The following RNF43 variants were observed in gnomAD, a reference collection of about 807,000 sequenced individuals.
RNF43 encodes ring finger protein 43.
RNF43 carries 37 observed loss-of-function variants against 78.4 expected under a neutral mutation model. The observed-to-expected ratio is 0.47, with a 90% CI of 0.36 to 0.62. The LOEUF is 0.62. Ranked by LOEUF, RNF43 falls within the 20% of genes least tolerant of loss-of-function variation. RNF43 has a pLI of 0.00. For synonymous variants in RNF43, 347 were observed against 395.0 expected (o/e 0.88, Z 1.44); for missense variants, 774 against 1,007.9 (o/e 0.77, Z 3.14).
chr17:58,407,521 AAC>A (rs1973938662), intron 2 of RNF43, among the ~76,000 whole-genome samples: 1 of 152,248 alleles, frequency 6.6e-6, no homozygotes, highest in South Asian at 2.1e-4. Context: ...TTGTAAATTA[AAC>A]ACAGATTCCA....
At chr17:58,377,203 C>T (rs996943095) in intron 2 of RNF43, among the ~76,000 whole-genome samples, 2 of 152,154 alleles carry the variant, frequency 1.3e-5, no homozygotes, top group Non-Finnish European at 2.9e-5. Context: ...TTTGTGTAGA[C>T]AGGAGATAAT....
intron 2 of RNF43, 99 bp from the exon 3 acceptor site, chr17:58,371,132 A>T (rs945723464): frequency 7.9e-7 from 1 of 1,262,234 alleles, no homozygotes; most frequent in African/African-American, 1.5e-5. Flanking sequence ...GGTACCAGGC[A>T]GGTCTCTTGG....
At chr17:58,387,283 T>C (rs1973458541) in intron 2 of RNF43, among the ~76,000 whole-genome samples, 1 of 152,142 alleles carries the variant, frequency 6.6e-6, no homozygotes, top group African/African-American at 2.4e-5. Context: ...TTGGGCAGCT[T>C]GTGTGAGCCA....
Position 58,360,181 on chromosome 17 carries a change from C to T in RNF43, c.920G>A (p.Arg307Gln), listed in dbSNP as rs373809449. The T allele has an allele frequency of 2.9e-5, 46 of 1,613,770 alleles. No individual in the cohort carries two copies. Among genetic ancestry groups the T allele is most frequent in the African/African-American group, 5.3e-5 (4 of 74,838 alleles). ...NCVDPWLHQH[R>Q]TCPLCMFNIT... ...GTTGAACATGCAGAGGGGGCAAGTCCGATGCTGATGTAACCAGGGGTCCAC... is the reference window on the plus strand; with the variant it reads ...GTTGAACATGCAGAGGGGGCAAGTCTGATGCTGATGTAACCAGGGGTCCAC... Residue 307 changes from arginine to glutamine, a missense_variant, in exon 8 of 10, where the codon CGG becomes CAG. Transcript: ENST00000407977. The surrounding 1 kb of genome is among the most constrained non-coding windows in gnomAD (Gnocchi z 4.3).
intron 6 of RNF43, among the ~76,000 whole-genome samples, 174 bp downstream of exon 6, chr17:58,362,370 G>C (rs1008876200): frequency 4.6e-5 from 7 of 152,178 alleles, no homozygotes; most frequent in Non-Finnish European, 7.3e-5. Context: ...TTGAATGGAT[G>C]AGTAATATGA....
chr17:58,397,386 C>T (rs1025481215), intron 2 of RNF43, among the ~76,000 whole-genome samples: 1 of 152,138 alleles, frequency 6.6e-6, no homozygotes, highest in South Asian at 2.1e-4. Context: ...TTTGGCCAGG[C>T]ATGGTGGCTC....
chr17:58,392,909 G>A (rs1474605701), intron 2 of RNF43, among the ~76,000 whole-genome samples: 3 of 152,156 alleles, frequency 2.0e-5, no homozygotes, highest in Non-Finnish European at 4.4e-5. Flanking sequence ...CTCTTCTTTG[G>A]GTTATCTACC....
chr17:58,364,262 C>T (rs1231120048), intron 3 of RNF43, among the ~76,000 whole-genome samples: 1 of 152,192 alleles, frequency 6.6e-6, no homozygotes, highest in Admixed American at 6.5e-5. Flanking sequence ...AGTCCTTGTC[C>T]AGTGGTTTAT....
chr17:58,387,226 CA>C (rs1973457385), intron 2 of RNF43, among the ~76,000 whole-genome samples: 1 of 152,048 alleles, frequency 6.6e-6, no homozygotes, highest in Non-Finnish European at 1.5e-5. Context: ...CTAGTTCAGC[CA>C]AAAGGAATTG....
chr17:58,363,100 A>C, intron 5 of RNF43, 175 bp downstream of exon 5: 1 of 689,520 alleles, frequency 1.5e-6, no homozygotes, highest in Non-Finnish European at 2.4e-6. Context: ...TCTGTAGGTG[A>C]GGCCCAAAGA....
Position 58,354,073 on chromosome 17 carries a change from C to T in RNF43, c.*870G>A. ...CACTTTGCTTTTCCTTTGTTGTCCC[C>T]ATTTTCCATCCTTGCTCTAAGACAA... On this transcript the variant is annotated 3_prime_UTR_variant, in exon 10 of 10. Coordinates refer to ENST00000407977, the MANE Select transcript of RNF43 (RefSeq NM_017763.6). 1 of 194,980 alleles carries T rather than the reference C, an allele frequency of 5.1e-6. No individual in the cohort carries two copies. Among genetic ancestry groups the T allele is most frequent in the African/African-American group, 2.3e-5 (1 of 43,298 alleles). 12.1% of individuals were successfully genotyped at this position (194,980 alleles called of 1,614,324 possible). A position where few individuals can be genotyped will look rare whatever the true frequency, so the allele number is the denominator to read the frequency against.
chr17:58,415,153 G>A (rs1223101560), intron 2 of RNF43, among the ~76,000 whole-genome samples, 173 bp downstream of exon 2: 1 of 152,084 alleles, frequency 6.6e-6, no homozygotes, highest in Non-Finnish European at 1.5e-5. Flanking sequence ...TTCCTCCAGA[G>A]TATAAAATAA....
At chr17:58,412,850 A>G (rs981939982) in intron 2 of RNF43, among the ~76,000 whole-genome samples, 1 of 151,860 alleles carries the variant, frequency 6.6e-6, no homozygotes, top group Non-Finnish European at 1.5e-5. Flanking sequence ...CACTGTTCTC[A>G]TAACTGTACA....
At chr17:58,404,640 T>C (rs1431595545) in intron 2 of RNF43, among the ~76,000 whole-genome samples, 1 of 152,206 alleles carries the variant, frequency 6.6e-6, no homozygotes, top group African/African-American at 2.4e-5. Context: ...GGAACAGGAA[T>C]AACACACATT....
chr17:58,377,910 A>G (rs1176827679), intron 2 of RNF43, among the ~76,000 whole-genome samples: 6 of 151,874 alleles, frequency 4.0e-5, no homozygotes, highest in African/African-American at 4.8e-5. Context: ...CTGAACTTTT[A>G]TCTTAGGTAG....
At chr17:58,394,069 A>G (rs763501981) in intron 2 of RNF43, among the ~76,000 whole-genome samples, 7 of 152,110 alleles carry the variant, frequency 4.6e-5, no homozygotes, top group Admixed American at 2.0e-4. Flanking sequence ...AAGAAACAGA[A>G]TTGGATGTGG....
At chr17:58,393,005 C>T (rs766523146) in intron 2 of RNF43, among the ~76,000 whole-genome samples, 16 of 150,408 alleles carry the variant, frequency 1.1e-4, no homozygotes, top group Non-Finnish European at 1.9e-4. Context: ...CCTCTGACAC[C>T]CCTGAAACGG....
At chr17:58,397,518 C>A (rs1467575795) in intron 2 of RNF43, among the ~76,000 whole-genome samples, 1 of 152,072 alleles carries the variant, frequency 6.6e-6, no homozygotes, top group Non-Finnish European at 1.5e-5. Context: ...CAAAAATTAG[C>A]TGGGCATGGT....
At chr17:58,413,972 T>C (rs1974076225) in intron 2 of RNF43, among the ~76,000 whole-genome samples, 1 of 152,212 alleles carries the variant, frequency 6.6e-6, no homozygotes, top group African/African-American at 2.4e-5. Context: ...GGAAGGAAGT[T>C]TCCTTTCCAA....
Sources: gnomAD v4.1 joint callset for allele counts (sites outside exome capture counted in the v4.1 genomes callset) on GRCh38, gnomAD v4.1.1 for gene constraint, Gnocchi (gnomAD v3.1) non-coding constraint, MANE v1.5 for transcripts, NCBI Gene and HGNC (gene_info 2026-07-23, HGNC 2026-07-21) for gene names.